Variants in LRRC71 observed in about 807,000 individuals in gnomAD.
LRRC71 encodes the protein leucine rich repeat containing 71.
Under a neutral mutation model 66.6 loss-of-function variants are expected in LRRC71, and 54 were observed. That is an observed-to-expected ratio of 0.81 (90% CI 0.65 to 1.02). The LOEUF is 1.02. Among genes scored for constraint, LRRC71 ranks in the 50% least tolerant of loss-of-function variants. The pLI is 0.00. For synonymous variants in LRRC71, 323 were observed against 303.9 expected (o/e 1.06, Z -0.65); for missense variants, 724 against 718.0 (o/e 1.01, Z -0.10).
chr1:156,924,525 A>C lies in LRRC71; in HGVS notation c.412A>C (p.Lys138Gln). 6.4e-7 allele frequency: 1 copy of C among 1,551,456 alleles called. No individual in the cohort carries two copies. The highest frequency in any genetic ancestry group is 1.2e-5 in the South Asian group (1 of 84,048). Residue 138 changes from lysine (K) to glutamine (Q), a missense_variant, in exon 3 of 15, where the codon AAG becomes CAG. Physicochemically the swap from Lys to Gln is moderately conservative, Grantham distance 53 (BLOSUM62 1). Transcript: ENST00000337428. Reference protein sequence around the residue: ...IQVELEQEDSKSVKEIYIRGW... With the variant: ...IQVELEQEDSQSVKEIYIRGW... The stretch of plus-strand genomic sequence containing the variant: ...GGTGGAGCTGGAGCAGGAGGACAGC[A>C]AGTCAGTGAAGGAAATCTACATCCG...
chr1:156,940,137 G>A, the LRRC71 span: 1 of 1,493,550 alleles, frequency 6.7e-7, no homozygotes, highest in Non-Finnish European at 9.0e-7. Flanking sequence ...GAGGGTGCAG[G>A]CGCCTGCCAG....
chr1:156,934,086 G>A (rs1247467038), downstream of LRRC71, among the ~76,000 whole-genome samples: 1 of 152,192 alleles, frequency 6.6e-6, no homozygotes, highest in East Asian at 1.9e-4. Context: ...ACATTGAGGT[G>A]CTGGATGATG....
In LRRC71 at chr1:156,926,946, G is replaced by A. The variant is rs939908151; in HGVS notation, c.594-256G>A. ...AATGACACAGGGGCATGAGTTCCAG[G>A]AGGTGGGGACCACTGAAGGCCATCT... On this transcript the variant is annotated intron_variant, in intron 5 of 14. Coordinates refer to ENST00000337428, the MANE Select transcript of LRRC71 (RefSeq NM_144702.3). Among the ~76,000 whole-genome samples the A allele has an allele frequency of 9.8e-5, 15 of 152,338 alleles. No individual in the cohort carries two copies. In the East Asian group the frequency reaches 2.5e-3, roughly 26 times the overall value.
At position 156,927,506 on chromosome 1, in the gene LRRC71, T is replaced by C. The variant is rs375495752; in HGVS notation, c.673T>C (p.Leu225=). 5.7e-5 allele frequency: 87 copies of C among 1,530,404 alleles called. No homozygotes were observed. The African/African-American group carries it at 9.5e-4, about 17-fold the overall frequency. 94.8% of individuals were successfully genotyped at this position (1,530,404 alleles called of 1,614,324 possible). ...CTCCGGCTGCCCCAGGATTGCGCAC[T>C]TGTCTCTGCGGAACAATAACATCGA... ...LMALDSTIAH[L]SLRNNNIDDR... The change falls in exon 7 of 15, where the codon TTG becomes CTG. Residue 225 remains leucine, a synonymous_variant. Coordinates refer to ENST00000337428, the MANE Select transcript of LRRC71 (RefSeq NM_144702.3).
chr1:156,927,445 G>A, intron 6 of LRRC71, 51 bp from the exon 7 acceptor site: 3 of 1,521,474 alleles, frequency 2.0e-6, no homozygotes, highest in Non-Finnish European at 2.6e-6. Context: ...TATTCCGGCG[G>A]ACGCCCTGTA....
chr1:156,940,836 G>A, the LRRC71 span, among the ~76,000 whole-genome samples: 6 of 152,136 alleles, frequency 3.9e-5, no homozygotes, highest in Non-Finnish European at 5.9e-5. Context: ...AGGAGGAAAA[G>A]CATTCTAAGC....
intron 9 of LRRC71, among the ~76,000 whole-genome samples, chr1:156,928,530 T>C (rs822425): frequency 0.014 from 1,903 of 137,588 alleles, 54 homozygotes; most frequent in African/African-American, 0.061. Context: ...CTTCCTCTTC[T>C]TCTTCTTCTT....
intron 1 of LRRC71, among the ~76,000 whole-genome samples, chr1:156,923,592 G>C (rs1652716693): frequency 6.6e-6 from 1 of 152,204 alleles, no homozygotes; most frequent in Non-Finnish European, 1.5e-5. Flanking sequence ...GTTCCAGCAG[G>C]GAAGGAGGAC....
At chr1:156,927,437 T>A in intron 6 of LRRC71, 59 bp from the exon 7 acceptor site, 1 of 1,521,434 alleles carries the variant, frequency 6.6e-7, no homozygotes, top group Non-Finnish European at 8.8e-7. Flanking sequence ...GTCTCCCATA[T>A]TCCGGCGGAC....
chr1:156,932,700 C>T (rs578065858), intron 14 of LRRC71, 153 bp from the exon 15 acceptor site: 1 of 1,562,164 alleles, frequency 6.4e-7, no homozygotes, highest in Non-Finnish European at 8.8e-7. Flanking sequence ...ACCTCCATTC[C>T]TCTTGCTGGA....
At chr1:156,931,067 C>G (rs1004973020) in intron 12 of LRRC71, among the ~76,000 whole-genome samples, 3 of 152,170 alleles carry the variant, frequency 2.0e-5, no homozygotes, top group African/African-American at 4.8e-5. Context: ...CCCACGCTAC[C>G]CTGTGCATGG....
At chr1:156,930,207 C>T (rs1654159943) in intron 11 of LRRC71, among the ~76,000 whole-genome samples, 1 of 151,434 alleles carries the variant, frequency 6.6e-6, no homozygotes, top group African/African-American at 2.4e-5. Flanking sequence ...GTTCTCCTGC[C>T]CCAGCTTACC....
intron 1 of LRRC71, among the ~76,000 whole-genome samples, chr1:156,921,186 A>G (rs1397506900): frequency 6.6e-6 from 1 of 152,184 alleles, no homozygotes; most frequent in Non-Finnish European, 1.5e-5. Flanking sequence ...GATATAGAAG[A>G]GAGGAAGGCC....
At chr1:156,934,513 A>G (rs1423629396), downstream of LRRC71, among the ~76,000 whole-genome samples, 3 of 151,980 alleles carry the variant, frequency 2.0e-5, no homozygotes, top group Non-Finnish European at 4.4e-5. Flanking sequence ...CTGCTCCTTT[A>G]TATACACATA....
At chr1:156,921,514 A>T in intron 1 of LRRC71, 1 of 443,924 alleles carries the variant, frequency 2.3e-6, no homozygotes, top group Non-Finnish European at 3.0e-6. Flanking sequence ...CACGGGGACA[A>T]GAACTTGCTG....
downstream of LRRC71, chr1:156,933,199 C>T (rs536227218): frequency 3.5e-5 from 17 of 481,348 alleles, no homozygotes; most frequent in South Asian, 9.4e-5. Flanking sequence ...ATTACAGTTC[C>T]GCTGGGGATG....
At chr1:156,924,585 C>T in intron 3 of LRRC71, 33 bp downstream of exon 3, 9 of 1,539,318 alleles carry the variant, frequency 5.8e-6, no homozygotes, top group Non-Finnish European at 7.9e-6. Flanking sequence ...GCCCCAGCTC[C>T]CTCCCGCTCC....
chr1:156,934,477 C>T (rs1400628471), downstream of LRRC71, among the ~76,000 whole-genome samples: 1 of 152,014 alleles, frequency 6.6e-6, no homozygotes, highest in Non-Finnish European at 1.5e-5. Flanking sequence ...GAGGGCAGCT[C>T]ATGAGACCTC....
Position 156,920,836 on chromosome 1 carries a change from AC to A in LRRC71, c.36del (p.Arg13GlyfsTer14), listed in dbSNP as rs1283639529. 1.3e-6 allele frequency: 2 copies of A among 1,535,124 alleles called. No individual in the cohort carries two copies. The highest frequency in any genetic ancestry group is 2.5e-5 in the East Asian group (1 of 40,218). ...SSEQSAPGAS[P>X]RAPRPGTQKS... is the part of the protein sequence containing the mutation. ...GCGAGCAGAGCGCGCCGGGGGCCTC[AC>A]CCAGGGCCCCGCGTCCGGGGACCCA... is the stretch of plus-strand genomic sequence containing the variant. On this transcript the variant is annotated frameshift_variant, in exon 1 of 15. Coordinates refer to ENST00000337428, the MANE Select transcript of LRRC71 (RefSeq NM_144702.3). LOFTEE classifies it high-confidence loss of function. This position sits in a 1 kb window ranked among gnomAD's most constrained non-coding sequence, Gnocchi z 4.9.
Sources: allele counts gnomAD v4.1 joint callset (sites outside exome capture counted in the v4.1 genomes callset), GRCh38; gene constraint gnomAD v4.1.1; non-coding constraint Gnocchi (gnomAD v3.1); transcripts MANE v1.5; gene names NCBI Gene and HGNC (gene_info 2026-07-23, HGNC 2026-07-21).